Variants in ATP10B observed in about 807,000 individuals in gnomAD.
ATP10B encodes the protein phospholipid-transporting ATPase VB.
A neutral mutation model predicts 141.2 loss-of-function variants in ATP10B; 122 were observed. That is an observed-to-expected ratio of 0.86 (90% confidence interval 0.75 to 1.00). The LOEUF is 1.00. Ranked by LOEUF, ATP10B falls within the 50% of genes least tolerant of loss-of-function variation. ATP10B has a pLI of 0.00. For synonymous variants in ATP10B, 685 were observed against 692.0 expected (o/e 0.99, Z 0.16); for missense variants, 1,876 against 1,825.3 (o/e 1.03, Z -0.51).
intron 2 of ATP10B, among the ~76,000 whole-genome samples, chr5:160,757,226 A>G (rs1182340998): frequency 6.6e-6 from 1 of 152,176 alleles, no homozygotes; most frequent in Admixed American, 6.5e-5. Flanking sequence ...CTGCTGTGGT[A>G]CCTTTGTCAA....
intron 7 of ATP10B, among the ~76,000 whole-genome samples, chr5:160,664,543 T>G (rs989888648): frequency 1.3e-5 from 2 of 152,196 alleles, no homozygotes; most frequent in African/African-American, 4.8e-5. Context: ...CGTTGATTAT[T>G]GATGCTCTAG....
chr5:160,903,824 A>T, the ATP10B span, among the ~76,000 whole-genome samples: 10 of 152,332 alleles, frequency 6.6e-5, no homozygotes, highest in African/African-American at 2.4e-4. Context: ...GAGCAGCTGT[A>T]AACTGAAGCT....
At chr5:160,832,904 A>G (rs1435535748) in intron 1 of ATP10B, among the ~76,000 whole-genome samples, 1 of 152,124 alleles carries the variant, frequency 6.6e-6, no homozygotes, top group African/African-American at 2.4e-5. Flanking sequence ...GGCATGACAC[A>G]TTAGAATCCT....
At chr5:160,705,813 A>G (rs906075769) in intron 3 of ATP10B, among the ~76,000 whole-genome samples, 1 of 152,174 alleles carries the variant, frequency 6.6e-6, no homozygotes. Context: ...TTGGTCAACT[A>G]TTTGGTGCAA....
At chr5:160,574,550 T>G (rs1755072076) in intron 24 of ATP10B, among the ~76,000 whole-genome samples, 1 of 152,220 alleles carries the variant, frequency 6.6e-6, no homozygotes, top group Admixed American at 6.5e-5. Context: ...ACAAATTGCT[T>G]ATTGCTGTGG....
At chr5:160,774,795 T>A (rs1039437333) in intron 2 of ATP10B, among the ~76,000 whole-genome samples, 2 of 152,208 alleles carry the variant, frequency 1.3e-5, no homozygotes, top group African/African-American at 2.4e-5. Flanking sequence ...TGTCTGTTTG[T>A]GAAGGGCAAG....
the ATP10B span, among the ~76,000 whole-genome samples, chr5:160,874,630 CT>C: frequency 7.9e-5 from 12 of 152,116 alleles, no homozygotes; most frequent in African/African-American, 2.9e-4. Flanking sequence ...AAGTTGAAAA[CT>C]TTGAAAAAAA....
chr5:160,740,625 C>T (rs763920876), intron 2 of ATP10B, among the ~76,000 whole-genome samples: 2 of 152,154 alleles, frequency 1.3e-5, no homozygotes, highest in Admixed American at 1.3e-4. Context: ...GTACTAGATT[C>T]ATTTTTTTCT....
At chr5:160,660,511 T>C (rs1761836611) in intron 7 of ATP10B, among the ~76,000 whole-genome samples, 1 of 152,220 alleles carries the variant, frequency 6.6e-6, no homozygotes, top group Non-Finnish European at 1.5e-5. Flanking sequence ...ACTCATTATT[T>C]TGAAAATGTA....
chr5:160,727,892 T>C (rs1393088542), intron 2 of ATP10B, among the ~76,000 whole-genome samples: 2 of 152,156 alleles, frequency 1.3e-5, no homozygotes, highest in Non-Finnish European at 2.9e-5. Flanking sequence ...CATTCATAGG[T>C]AAATTATTTT....
At chr5:160,867,331 G>A in the ATP10B span, among the ~76,000 whole-genome samples, 1 of 151,916 alleles carries the variant, frequency 6.6e-6, no homozygotes, top group Non-Finnish European at 1.5e-5. Flanking sequence ...AGTTGTAATG[G>A]GAGACAACTA....
chr5:160,669,814 A>C (rs1762559058), intron 7 of ATP10B, among the ~76,000 whole-genome samples: 1 of 149,278 alleles, frequency 6.7e-6, no homozygotes, highest in Admixed American at 6.7e-5. Flanking sequence ...GTTGGCCAGG[A>C]TGATCTGGAA....
At chr5:160,610,058 G>C (rs1475475394) in intron 18 of ATP10B, among the ~76,000 whole-genome samples, 2 of 152,066 alleles carry the variant, frequency 1.3e-5, no homozygotes, top group Non-Finnish European at 2.9e-5. Flanking sequence ...TAATATGGTG[G>C]TTCCCAGTGA....
intron 2 of ATP10B, among the ~76,000 whole-genome samples, chr5:160,734,487 A>G (rs1047038217): frequency 3.3e-5 from 5 of 152,162 alleles, no homozygotes; most frequent in African/African-American, 1.2e-4. Flanking sequence ...GCAAAGCTTT[A>G]TGTAAAGTGG....
chr5:160,627,435 A>G (rs1440405102), intron 13 of ATP10B, among the ~76,000 whole-genome samples: 5 of 152,184 alleles, frequency 3.3e-5, no homozygotes, highest in African/African-American at 9.7e-5. Flanking sequence ...ATGTTTGTTG[A>G]CTGACCCAAT....
At chr5:160,589,797 G>A (rs1283908953) in intron 23 of ATP10B, 101 bp from the exon 24 acceptor site, 2 of 832,578 alleles carry the variant, frequency 2.4e-6, no homozygotes, top group Admixed American at 2.0e-5. Flanking sequence ...GTTGTCAATG[G>A]AGAAGGAGGT....
chr5:160,874,105 G>A, the ATP10B span, among the ~76,000 whole-genome samples: 1 of 152,046 alleles, frequency 6.6e-6, no homozygotes, highest in Non-Finnish European at 1.5e-5. Context: ...CAAAAAGACA[G>A]CAGTAACCTC....
At chr5:160,592,661 C>G (rs1268832247) in intron 22 of ATP10B, among the ~76,000 whole-genome samples, 1 of 152,240 alleles carries the variant, frequency 6.6e-6, no homozygotes, top group Non-Finnish European at 1.5e-5. Flanking sequence ...CCTTCCTAGT[C>G]AAAGAAAGGG....
intron 1 of ATP10B, among the ~76,000 whole-genome samples, chr5:160,843,596 A>T (rs565703624): frequency 1.1e-4 from 16 of 152,288 alleles, no homozygotes; most frequent in East Asian, 7.7e-4. Flanking sequence ...TCTGCAGTTC[A>T]TTAAAAAAAA....
Sources: allele counts gnomAD v4.1 joint callset (sites outside exome capture counted in the v4.1 genomes callset), GRCh38; gene constraint gnomAD v4.1.1; transcripts MANE v1.5; gene names NCBI Gene and HGNC (gene_info 2026-07-23, HGNC 2026-07-21).